Variants in ADAMTS2 observed in about 807,000 individuals in gnomAD.
The protein encoded by ADAMTS2 is ADAM metallopeptidase with thrombospondin type 1 motif 2, also known as A disintegrin and metalloproteinase with thrombospondin motifs 2.
ADAMTS2 carries 50 observed loss-of-function variants against 123.0 expected under a neutral mutation model. That is an observed-to-expected ratio of 0.41 (90% CI 0.32 to 0.51). The LOEUF is 0.51. Among genes scored for constraint, ADAMTS2 ranks in the 20% least tolerant of loss-of-function variants. ADAMTS2 has a pLI of 0.35. For synonymous variants in ADAMTS2, 678 were observed against 695.4 expected (o/e 0.98, Z 0.39); for missense variants, 1,494 against 1,705.2 (o/e 0.88, Z 2.18).
Position 179,345,231 on chromosome 5 carries a change from G to GGCGGCGGCGGCGGCAGGA in ADAMTS2, c.80_97dup (p.Leu27_Pro32dup). ...GGCGGCGAGCCTGGCGTTCGCGGGC[G>GGCGGCGGCGGCGGCAGGA]GCGGCGGCGGCGGCAGGAGCGGCGG... On this transcript the variant is annotated inframe_insertion, in exon 1 of 22. Coordinates refer to ENST00000251582, the MANE Select transcript of ADAMTS2 (RefSeq NM_014244.5). The surrounding 1 kb of genome is among the most constrained non-coding windows in gnomAD (Gnocchi z 7.5). 13 of 1,138,598 alleles carry GGCGGCGGCGGCGGCAGGA rather than the reference G, an allele frequency of 1.1e-5. No individual in the cohort carries two copies. Among genetic ancestry groups the GGCGGCGGCGGCGGCAGGA allele is most frequent in the Non-Finnish European group, 1.3e-5 (12 of 934,516 alleles). The allele number at this position is 1,138,598 out of a possible 1,614,324, so 70.5% of individuals were successfully genotyped here.
At chr5:179,265,841 G>A (rs985865396) in intron 3 of ADAMTS2, among the ~76,000 whole-genome samples, 14 of 152,244 alleles carry the variant, frequency 9.2e-5, no homozygotes, top group Non-Finnish European at 5.9e-5. Context: ...GAGCCGCCTC[G>A]GGTTTCACAA....
In ADAMTS2 at chr5:179,156,961, C is replaced by CTTTT. The variant is rs70997667; in HGVS notation, c.1132+1758_1132+1761dup. 1.8e-4 allele frequency among the ~76,000 whole-genome samples: 19 copies of CTTTT among 108,382 alleles called. 1 individual carries two copies. Among genetic ancestry groups the CTTTT allele is most frequent in the South Asian group, 3.2e-4 (1 of 3,092 alleles). 71.1% of individuals were successfully genotyped at this position (108,382 alleles called of 152,430 possible). On this transcript the variant is annotated intron_variant, in intron 6 of 21. Transcript: ENST00000251582. ...ACCCTTGGCTGTCCTTTCATTTTTT[C>CTTTT]TTTTTTTTTTTTTTTTTTTTGAGAC... is the stretch of plus-strand genomic sequence containing the variant.
rs552415986 is a variant in ADAMTS2, at chr5:179,323,058, G to A, written c.534+20709C>T. ...GGCCACTCCAGAGCCAAGACTGACAGTCTCCACAAAACCAAGGAGCCCTCA... is the reference window on the plus strand; with the variant it reads ...GGCCACTCCAGAGCCAAGACTGACAATCTCCACAAAACCAAGGAGCCCTCA... On this transcript the variant is annotated intron_variant, in intron 2 of 21. Coordinates refer to ENST00000251582, the MANE Select transcript of ADAMTS2 (RefSeq NM_014244.5). Among the ~76,000 whole-genome samples, 13 of 152,224 alleles carry A rather than the reference G, an allele frequency of 8.5e-5. No homozygotes were observed. In the South Asian group the frequency reaches 2.5e-3, roughly 29 times the overall value.
chr5:179,146,514 A>G (rs991446348), intron 10 of ADAMTS2, among the ~76,000 whole-genome samples: 22 of 152,218 alleles, frequency 1.4e-4, no homozygotes, highest in African/African-American at 4.6e-4. Context: ...CAGCGTTCGC[A>G]GCTCCCTGGC....
chr5:179,293,976 AT>A (rs1454538361), intron 2 of ADAMTS2, among the ~76,000 whole-genome samples: 1 of 152,068 alleles, frequency 6.6e-6, no homozygotes, highest in Non-Finnish European at 1.5e-5. Flanking sequence ...CATCTCAAAC[AT>A]TCCACTTAAT....
intron 2 of ADAMTS2, among the ~76,000 whole-genome samples, chr5:179,329,134 T>C (rs796994146): frequency 2.5e-4 from 38 of 152,118 alleles, no homozygotes; most frequent in East Asian, 5.8e-4. Flanking sequence ...GAGACCATCC[T>C]GGCTAACACG....
At chr5:179,296,569 G>A (rs901417230) in intron 2 of ADAMTS2, among the ~76,000 whole-genome samples, 7 of 152,202 alleles carry the variant, frequency 4.6e-5, no homozygotes, top group African/African-American at 1.7e-4. Flanking sequence ...AGCAAGTACA[G>A]CAAAGAGGAC....
In ADAMTS2 at chr5:179,256,810, T is replaced by A. The variant is rs1291689847; in HGVS notation, c.688+16101A>T. On this transcript the variant is annotated intron_variant, in intron 3 of 21. Coordinates refer to ENST00000251582, the MANE Select transcript of ADAMTS2 (RefSeq NM_014244.5). This position sits in a 1 kb window ranked among gnomAD's most constrained non-coding sequence, Gnocchi z 4.1. ...CATGTGAAACCTCCTGATTTTTAAGTGTACACTCAACATTTCTGAAGCCGT... is the reference window on the plus strand; with the variant it reads ...CATGTGAAACCTCCTGATTTTTAAGAGTACACTCAACATTTCTGAAGCCGT... Among the ~76,000 whole-genome samples, 1 of 152,262 alleles carries A rather than the reference T, an allele frequency of 6.6e-6. No individual in the cohort carries two copies. Among genetic ancestry groups the A allele is most frequent in the East Asian group, 1.9e-4 (1 of 5,194 alleles).
chr5:179,250,513 G>A (rs752768943), intron 3 of ADAMTS2, among the ~76,000 whole-genome samples: 93 of 152,124 alleles, frequency 6.1e-4, no homozygotes, highest in Admixed American at 1.1e-3. Flanking sequence ...CGCCCGAAAC[G>A]CTGAACTACA....
intron 2 of ADAMTS2, among the ~76,000 whole-genome samples, chr5:179,274,910 C>A (rs1454933989): frequency 6.6e-6 from 1 of 152,234 alleles, no homozygotes; most frequent in Non-Finnish European, 1.5e-5. Context: ...GTGACATCTA[C>A]CCAAACCCAC....
chr5:179,248,378 CCTT>C (rs1438529564), intron 3 of ADAMTS2, among the ~76,000 whole-genome samples: 2 of 151,968 alleles, frequency 1.3e-5, no homozygotes, highest in South Asian at 4.1e-4. Flanking sequence ...TTCAGTCCCT[CCTT>C]ATCAGTAATT....
chr5:179,209,073 G>A (rs1764788433), intron 3 of ADAMTS2, among the ~76,000 whole-genome samples: 1 of 152,238 alleles, frequency 6.6e-6, no homozygotes, highest in African/African-American at 2.4e-5. Flanking sequence ...GCCCAGGACA[G>A]GCCCTGGAGG....
In ADAMTS2 at chr5:179,344,111, T is replaced by G; in HGVS notation, c.190A>C (p.Thr64Pro). ...GACACCAAGCGGCCCTGGGCGTCAG[T>G]GCGCACGGGCACCGCCAGGATGCGC... is the stretch of plus-strand genomic sequence containing the variant. Reference protein sequence around the residue: ...AERILAVPVRTDAQGRLVSHV... With the variant: ...AERILAVPVRPDAQGRLVSHV... The change falls in exon 2 of 22, where the codon ACT (threonine) becomes CCT (proline). Residue 64 changes from threonine to proline, a missense_variant. This residue lies in a region of ADAMTS2 where 237 missense variants were observed against 233.7 expected (regional missense o/e 1.01). Coordinates refer to ENST00000251582, the MANE Select transcript of ADAMTS2 (RefSeq NM_014244.5). The G allele has an allele frequency of 6.2e-7, 1 of 1,608,462 alleles. No individual in the cohort carries two copies. Among genetic ancestry groups the G allele is most frequent in the Non-Finnish European group, 8.5e-7 (1 of 1,177,650 alleles).
chr5:179,168,505 G>A (rs1763754431), intron 5 of ADAMTS2, among the ~76,000 whole-genome samples: 2 of 152,202 alleles, frequency 1.3e-5, no homozygotes, highest in Admixed American at 6.5e-5. Flanking sequence ...GGGTTGCTGT[G>A]GGGGTGAGGG....
chr5:179,138,109 C>G (rs1763098108), intron 11 of ADAMTS2, among the ~76,000 whole-genome samples, 165 bp from the exon 12 acceptor site: 2 of 152,102 alleles, frequency 1.3e-5, no homozygotes, highest in African/African-American at 4.8e-5. Context: ...GCTGTAAGAC[C>G]TGGGCAGTTG....
chr5:179,241,275 C>T (rs538739114), intron 3 of ADAMTS2, among the ~76,000 whole-genome samples: 13 of 152,312 alleles, frequency 8.5e-5, no homozygotes, highest in Admixed American at 1.3e-4. Context: ...GGAAGCTCCT[C>T]GGGAACGTTA....
At position 179,272,542 on chromosome 5, in the gene ADAMTS2, C is replaced by A. The variant is rs2113512235; in HGVS notation, c.688+369G>T. On this transcript the variant is annotated intron_variant, in intron 3 of 21. Coordinates refer to ENST00000251582, the MANE Select transcript of ADAMTS2 (RefSeq NM_014244.5). The surrounding 1 kb of genome is among the most constrained non-coding windows in gnomAD (Gnocchi z 5.8). ...CTTCACAGGCACAGACTCAGAGACG[C>A]AGGCACTGGACTCAGGCCTGGCCGG... is the stretch of plus-strand genomic sequence containing the variant. 6.6e-6 allele frequency among the ~76,000 whole-genome samples: 1 copy of A among 152,320 alleles called. No individual in the cohort carries two copies. Among genetic ancestry groups the A allele is most frequent in the East Asian group, 1.9e-4 (1 of 5,172 alleles).
rs1756602537 is a variant in ADAMTS2 at position 179,303,989 on chromosome 5, C to A, written c.535-30925G>T. Among the ~76,000 whole-genome samples the A allele has an allele frequency of 6.6e-6, 1 of 152,186 alleles. No individual in the cohort carries two copies. The highest frequency in any genetic ancestry group is 2.4e-5 in the African/African-American group (1 of 41,452). ...CTCCTGGGCTCGTGCTTGAGCCGTG[C>A]ACGAGTGGGTCTGACCCTAAACAAC... is the stretch of plus-strand genomic sequence containing the variant. On this transcript the variant is annotated intron_variant, in intron 2 of 21. Coordinates refer to ENST00000251582, the MANE Select transcript of ADAMTS2 (RefSeq NM_014244.5). This position sits in a 1 kb window ranked among gnomAD's most constrained non-coding sequence, Gnocchi z 4.7.
chr5:179,172,094 C>G (rs547552518), intron 5 of ADAMTS2, among the ~76,000 whole-genome samples: 7 of 152,320 alleles, frequency 4.6e-5, no homozygotes, highest in Middle Eastern at 3.4e-3. Flanking sequence ...GTTCTCAAGC[C>G]CCTTCCCAGC....
Sources: allele counts gnomAD v4.1 joint callset (sites outside exome capture counted in the v4.1 genomes callset), GRCh38; gene constraint gnomAD v4.1.1; regional missense constraint gnomAD v4.1.1; non-coding constraint Gnocchi (gnomAD v3.1); transcripts MANE v1.5; gene names NCBI Gene and HGNC (gene_info 2026-07-23, HGNC 2026-07-21).